The following POC1A variants were observed in gnomAD, a reference collection of about 807,000 sequenced individuals.
The protein encoded by POC1A is POC1 centriolar protein homolog A.
In POC1A, 34 loss-of-function variants were observed where a neutral mutation model predicts 47.8. The observed-to-expected ratio is 0.71, with a 90% CI of 0.54 to 0.95. The LOEUF is 0.95. Ranked by LOEUF, POC1A falls within the 40% of genes least tolerant of loss-of-function variation. The pLI is 0.00. For missense variants in POC1A, 466 were observed against 528.3 expected (o/e 0.88, Z 1.16); for synonymous variants, 177 against 207.6 (o/e 0.85, Z 1.27).
chr3:52,125,280 G>C (rs1262617283), intron 7 of POC1A, 99 bp from the exon 8 acceptor site: 3 of 1,019,194 alleles, frequency 2.9e-6, no homozygotes. Context: ...GCAGCAGCAG[G>C]ATAAAGGACC....
intron 7 of POC1A, among the ~76,000 whole-genome samples, chr3:52,130,373 C>A (rs748173750): frequency 6.6e-6 from 1 of 152,198 alleles, no homozygotes; most frequent in Non-Finnish European, 1.5e-5. Flanking sequence ...CAGAGCCCCA[C>A]CAGGAGGCTC....
chr3:52,111,669 A>C (rs1703392852), intron 9 of POC1A, among the ~76,000 whole-genome samples: 1 of 150,542 alleles, frequency 6.6e-6, no homozygotes, highest in African/African-American at 2.5e-5. Flanking sequence ...AAAAAAAAAA[A>C]AAAAAAAGAG....
chr3:52,128,642 C>T lies in POC1A; in HGVS notation c.814-3461G>A, dbSNP rs140289909. On this transcript the variant is annotated intron_variant, in intron 7 of 10. Transcript: ENST00000296484. ...GAAGAGACTGTCCACTGCTGACATG[C>T]TTCAGGGCCTAGCCTTGGAGGCCCC... Among the ~76,000 whole-genome samples the T allele has an allele frequency of 8.7e-4, 133 of 152,296 alleles. 1 individual carries two copies. The highest frequency in any genetic ancestry group is 3.1e-3 in the African/African-American group (130 of 41,562).
intron 7 of POC1A, among the ~76,000 whole-genome samples, chr3:52,126,056 T>C (rs1190964207): frequency 6.6e-6 from 1 of 152,228 alleles, no homozygotes; most frequent in Non-Finnish European, 1.5e-5. Context: ...GTCGAACTTT[T>C]ACTGTGGCCA....
chr3:52,119,457 T>C (rs78144509), intron 9 of POC1A, among the ~76,000 whole-genome samples: 14,160 of 151,852 alleles, frequency 0.093, 1,337 homozygotes, highest in East Asian at 0.37. Flanking sequence ...TGCAGTGGTA[T>C]GATCATAGTT....
chr3:52,105,134 G>A (rs1703132783), intron 9 of POC1A, among the ~76,000 whole-genome samples: 1 of 152,172 alleles, frequency 6.6e-6, no homozygotes, highest in Non-Finnish European at 1.5e-5. Context: ...AGGTGACCTG[G>A]GGCCAAGAGC....
At chr3:52,122,603 G>T in intron 8 of POC1A, 126 bp from the exon 9 acceptor site, 2 of 669,182 alleles carry the variant, frequency 3.0e-6, no homozygotes, top group South Asian at 1.7e-5. Flanking sequence ...GTCCCCACCT[G>T]ACACCCCAAC....
chr3:52,141,226 C>T (rs191533330), intron 6 of POC1A, among the ~76,000 whole-genome samples: 2 of 152,364 alleles, frequency 1.3e-5, no homozygotes, highest in African/African-American at 2.4e-5. Context: ...GACCTGAGTA[C>T]ACCCACTCCA....
rs948658060 is a variant in POC1A at position 52,109,087 on chromosome 3, G to A, written c.982-12375C>T. Among the ~76,000 whole-genome samples the A allele has an allele frequency of 3.3e-5, 5 of 152,292 alleles. 1 individual carries two copies. The East Asian group carries it at 9.7e-4, about 29-fold the overall frequency. On this transcript the variant is annotated intron_variant, in intron 9 of 10. Transcript: ENST00000296484. ...AGGCCAAAGCCCCCTCAGCTACTCC[G>A]CCTACCAGAACCATGGGTCGGGGAA...
At chr3:52,086,731 C>T (rs377288829) in intron 10 of POC1A, among the ~76,000 whole-genome samples, 97 of 152,378 alleles carry the variant, frequency 6.4e-4, no homozygotes, top group African/African-American at 2.2e-3. Context: ...CCAACCAGTA[C>T]CTAATGGTCT....
chr3:52,131,464 A>C lies in POC1A; in HGVS notation c.814-6283T>G, dbSNP rs185267036. Among the ~76,000 whole-genome samples the C allele has an allele frequency of 4.6e-5, 7 of 152,258 alleles. No homozygotes were observed. The East Asian group carries it at 1.4e-3, about 29-fold the overall frequency. The stretch of plus-strand genomic sequence containing the variant: ...CAGGGACTCCCTTTCCTCCTGCTTA[A>C]CGTCACAGTTGTGTCACACCCCCTG... On this transcript the variant is annotated intron_variant, in intron 7 of 10. Coordinates refer to ENST00000296484, the MANE Select transcript of POC1A (RefSeq NM_015426.5).
chr3:52,078,860 TC>T (rs1289159522), intron 10 of POC1A, among the ~76,000 whole-genome samples: 1 of 152,192 alleles, frequency 6.6e-6, no homozygotes, highest in African/African-American at 2.4e-5. Flanking sequence ...AGGAAGGGGT[TC>T]CCCCATGATG....
chr3:52,152,372 T>G (rs920625162), intron 1 of POC1A, among the ~76,000 whole-genome samples: 4 of 151,976 alleles, frequency 2.6e-5, no homozygotes, highest in Admixed American at 6.6e-5. Flanking sequence ...GAGTTCAAGA[T>G]CAGCCTGGCC....
intron 1 of POC1A, 56 bp from the exon 2 acceptor site, chr3:52,151,156 A>G (rs879726018): frequency 1.7e-5 from 27 of 1,609,706 alleles, no homozygotes; most frequent in Non-Finnish European, 2.1e-5. Context: ...GGGCTTCCCC[A>G]GGGCCAGCAC....
intron 9 of POC1A, among the ~76,000 whole-genome samples, chr3:52,120,796 C>A (rs1703753524): frequency 6.6e-6 from 1 of 152,240 alleles, no homozygotes; most frequent in African/African-American, 2.4e-5. Context: ...ATGCTGGGAT[C>A]CCCCACCCAC....
chr3:52,090,618 G>A lies in POC1A; in HGVS notation c.1125+5951C>T, dbSNP rs1391870238. 6.6e-6 allele frequency among the ~76,000 whole-genome samples: 1 copy of A among 152,202 alleles called. No individual in the cohort carries two copies. The highest frequency in any genetic ancestry group is 1.5e-5 in the Non-Finnish European group (1 of 68,028). ...AGCGTGGAGGTGAGCTCATGTAGCA[G>A]TGGCTATTTGTGGAAACAGCCTCTC... On this transcript the variant is annotated intron_variant, in intron 10 of 10. Transcript: ENST00000296484. The surrounding 1 kb of genome is among the most constrained non-coding windows in gnomAD (Gnocchi z 4.2).
rs982572737 is a variant in POC1A, at chr3:52,122,368, A to G, written c.981+11T>C. ...TCACAGAGCTCAGGACATGCCTGCC[A>G]AGCCACTTACCAGATTCCCCATGGA... On this transcript the variant is annotated intron_variant, in intron 9 of 10. Coordinates refer to ENST00000296484, the MANE Select transcript of POC1A (RefSeq NM_015426.5). 4.5e-6 allele frequency: 7 copies of G among 1,545,964 alleles called. No homozygotes were observed. In the African/African-American group the frequency reaches 8.1e-5, roughly 18 times the overall value.
Position 52,145,838 on chromosome 3 carries a change from C to T in POC1A, c.679+8G>A, listed in dbSNP as rs926946290. On this transcript the variant is annotated splice_region_variant and intron_variant, in intron 6 of 10. Transcript: ENST00000296484. ...GCCCTTGGGCCCAGGAGGCTGTTCA[C>T]CACTCACACTGATAATGCTGCAGCA... 9 of 1,591,334 alleles carry T rather than the reference C, an allele frequency of 5.7e-6. No individual in the cohort carries two copies. Among genetic ancestry groups the T allele is most frequent in the Non-Finnish European group, 7.8e-6 (9 of 1,159,742 alleles).
chr3:52,140,134 C>A (rs1698141259), intron 6 of POC1A, among the ~76,000 whole-genome samples: 1 of 152,226 alleles, frequency 6.6e-6, no homozygotes, highest in African/African-American at 2.4e-5. Flanking sequence ...CAACAAGGCC[C>A]ACAGGGTGCA....
Sources: allele counts gnomAD v4.1 joint callset (sites outside exome capture counted in the v4.1 genomes callset), GRCh38; gene constraint gnomAD v4.1.1; non-coding constraint Gnocchi (gnomAD v3.1); transcripts MANE v1.5; gene names NCBI Gene and HGNC (gene_info 2026-07-23, HGNC 2026-07-21).